The following FERMT2 variants were observed in gnomAD, a reference collection of about 807,000 sequenced individuals.
FERMT2 encodes the protein fermitin family homolog 2.
FERMT2 carries 15 observed loss-of-function variants against 82.7 expected under a neutral mutation model. The observed-to-expected ratio is 0.18, with a 90% CI of 0.12 to 0.28. The LOEUF (loss-of-function observed/expected upper bound fraction) is 0.28, where lower values mean the gene tolerates loss of function less well. FERMT2 is among the 10% of genes least tolerant of loss of function. The pLI, the probability that FERMT2 is intolerant of heterozygous loss-of-function variation, is 1.00. For missense variants in FERMT2, 645 were observed against 809.4 expected (o/e 0.80, Z 2.46); for synonymous variants, 274 against 271.5 (o/e 1.01, Z -0.09).
At chr14:52,911,817 T>G (rs1449644856) in intron 3 of FERMT2, among the ~76,000 whole-genome samples, 1 of 152,220 alleles carries the variant, frequency 6.6e-6, no homozygotes, top group African/African-American at 2.4e-5. Flanking sequence ...GTATTAAATA[T>G]GCATTTATTA....
intron 2 of FERMT2, among the ~76,000 whole-genome samples, chr14:52,924,423 A>AT (rs34023694): frequency 0.81 from 123,570 of 151,750 alleles, 50,707 homozygotes; most frequent in East Asian, 1. Flanking sequence ...AGCTGTCTGT[A>AT]TTTTTTTTAT....
At chr14:52,933,580 C>A (rs142822355) in intron 2 of FERMT2, among the ~76,000 whole-genome samples, 1 of 151,582 alleles carries the variant, frequency 6.6e-6, no homozygotes, top group Non-Finnish European at 1.5e-5. Flanking sequence ...CATGGTGGCA[C>A]ATGCCTGTAA....
At chr14:52,908,305 T>C (rs1026899290) in intron 3 of FERMT2, among the ~76,000 whole-genome samples, 2 of 152,224 alleles carry the variant, frequency 1.3e-5, no homozygotes, top group Non-Finnish European at 2.9e-5. Flanking sequence ...ACTTATCATA[T>C]GACCCAGAAA....
intron 3 of FERMT2, among the ~76,000 whole-genome samples, chr14:52,903,282 A>G (rs1026181927): frequency 1.3e-5 from 2 of 152,198 alleles, no homozygotes; most frequent in African/African-American, 4.8e-5. Context: ...TCATGCCTGT[A>G]ATCTCAGCAC....
chr14:52,913,696 A>G (rs190164475), intron 3 of FERMT2, among the ~76,000 whole-genome samples: 64 of 152,112 alleles, frequency 4.2e-4, no homozygotes, highest in African/African-American at 1.5e-3. Flanking sequence ...TAGTAGTAGT[A>G]GTAGTAGTAG....
intron 2 of FERMT2, among the ~76,000 whole-genome samples, chr14:52,930,886 A>G (rs1889535813): frequency 6.6e-6 from 1 of 152,220 alleles, no homozygotes. Context: ...ATTGAAATGT[A>G]AAGGACACTA....
At chr14:52,923,677 A>G (rs1889092284) in intron 2 of FERMT2, among the ~76,000 whole-genome samples, 1 of 152,016 alleles carries the variant, frequency 6.6e-6, no homozygotes, top group South Asian at 2.1e-4. Flanking sequence ...CATACTGGAC[A>G]TCCTATGAGT....
intron 4 of FERMT2, among the ~76,000 whole-genome samples, chr14:52,891,940 T>C (rs1264934518): frequency 1.3e-5 from 2 of 152,080 alleles, no homozygotes; most frequent in East Asian, 1.9e-4. Context: ...AAAGGTGACA[T>C]AGCCCCTTCA....
At chr14:52,896,636 T>C (rs943215644) in intron 3 of FERMT2, among the ~76,000 whole-genome samples, 2 of 152,230 alleles carry the variant, frequency 1.3e-5, no homozygotes, top group African/African-American at 4.8e-5. Context: ...AATTAAATGA[T>C]ACATAACAAA....
intron 2 of FERMT2, 55 bp from the exon 3 acceptor site, chr14:52,919,411 G>A (rs1046731158): frequency 1.5e-6 from 2 of 1,314,794 alleles, no homozygotes; most frequent in Admixed American, 2.2e-5. Context: ...GTGATTTTGA[G>A]AAATTAAAAG....
chr14:52,911,417 T>A (rs1348433073), intron 3 of FERMT2, among the ~76,000 whole-genome samples: 1 of 151,978 alleles, frequency 6.6e-6, no homozygotes. Flanking sequence ...TTTGGGAGGC[T>A]GAGGCGGGCG....
intron 2 of FERMT2, among the ~76,000 whole-genome samples, chr14:52,936,978 A>G (rs528744511): frequency 6.6e-6 from 1 of 151,966 alleles, no homozygotes; most frequent in East Asian, 1.9e-4. Flanking sequence ...AACATGGTGA[A>G]ACCCCATCTC....
chr14:52,887,909 G>A (rs1218962271), intron 4 of FERMT2, among the ~76,000 whole-genome samples: 1 of 151,990 alleles, frequency 6.6e-6, no homozygotes, highest in Non-Finnish European at 1.5e-5. Context: ...AACCCTTGTG[G>A]AGTTATTTCC....
intron 10 of FERMT2, 52 bp downstream of exon 10, chr14:52,872,747 T>TA: frequency 6.3e-7 from 1 of 1,592,342 alleles, no homozygotes; most frequent in Non-Finnish European, 8.6e-7. Flanking sequence ...CATTGACTAT[T>TA]AGGCCAATGG....
intron 2 of FERMT2, among the ~76,000 whole-genome samples, chr14:52,949,352 T>C (rs1343563361): frequency 6.8e-6 from 1 of 146,644 alleles, no homozygotes; most frequent in South Asian, 2.1e-4. Flanking sequence ...ACTTTCCCAG[T>C]GTAGCTTGAA....
At chr14:52,902,892 C>CAACAAAAAAAAAAAAAA (rs1355070805) in intron 3 of FERMT2, among the ~76,000 whole-genome samples, 1 of 36,756 alleles carries the variant, frequency 2.7e-5, no homozygotes, top group Non-Finnish European at 5.0e-5. Context: ...AAAAAAAAAA[C>CAACAAAAAAAAAAAAAA]CCCAAAACAC....
At chr14:52,894,474 TAAAA>T (rs1487712161) in intron 3 of FERMT2, among the ~76,000 whole-genome samples, 1 of 152,128 alleles carries the variant, frequency 6.6e-6, no homozygotes, top group East Asian at 1.9e-4. Context: ...AAGACATTCT[TAAAA>T]AGAACAAAAT....
chr14:52,912,511 C>CT (rs1252702778), intron 3 of FERMT2, among the ~76,000 whole-genome samples: 2,812 of 139,244 alleles, frequency 0.02, 49 homozygotes, highest in East Asian at 0.052. Flanking sequence ...CAGATCACTA[C>CT]TTTTTTTTTT....
In FERMT2 at chr14:52,858,927, G is replaced by A. The variant is rs115581537; in HGVS notation, c.1870-377C>T. The A allele has an allele frequency of 6.4e-3, 1,089 of 169,392 alleles. 14 individuals carry two copies. The highest frequency in any genetic ancestry group is 0.025 in the African/African-American group (1,031 of 41,434). 10.5% of individuals were successfully genotyped at this position (169,392 alleles called of 1,614,324 possible). A position where few individuals can be genotyped will look rare whatever the true frequency, so the allele number is the denominator to read the frequency against. On this transcript the variant is annotated intron_variant, in intron 14 of 14. Coordinates refer to ENST00000341590, the MANE Select transcript of FERMT2 (RefSeq NM_006832.3). ...CAGATACTTAAATTTTAGGTATCAC[G>A]TTTGAGTATTTCAGAAATATAAGAT... is the stretch of plus-strand genomic sequence containing the variant.
Sources: allele counts gnomAD v4.1 joint callset (sites outside exome capture counted in the v4.1 genomes callset), GRCh38; gene constraint gnomAD v4.1.1; transcripts MANE v1.5; gene names NCBI Gene and HGNC (gene_info 2026-07-23, HGNC 2026-07-21).